ULBP1: variants seen among roughly 807,000 people sequenced by gnomAD.
The protein encoded by ULBP1 is UL16-binding protein 1.
In ULBP1, 28 loss-of-function variants were observed where a neutral mutation model predicts 25.3. That is an observed-to-expected ratio of 1.10 (90% CI 0.82 to 1.51). The LOEUF is 1.51. Among genes scored for constraint, ULBP1 ranks in the 40% most tolerant of loss-of-function variants. The pLI is 0.00. For missense variants in ULBP1, 348 were observed against 290.9 expected (o/e 1.20, Z -1.43); for synonymous variants, 129 against 103.0 (o/e 1.25, Z -1.53).
Position 149,972,437 on chromosome 6 carries a change from A to C in ULBP1, c.*1091A>C, listed in dbSNP as rs1351939288. On this transcript the variant is annotated 3_prime_UTR_variant, in exon 5 of 5. Transcript: ENST00000229708. ...TAACCTAAGAAATACCAATGTGGACATAGGGCCTGGCAAAGATTTCATGAA... is the reference window on the plus strand; with the variant it reads ...TAACCTAAGAAATACCAATGTGGACCTAGGGCCTGGCAAAGATTTCATGAA... The C allele has an allele frequency of 6.6e-6, 1 of 152,210 alleles. No individual in the cohort carries two copies. The highest frequency in any genetic ancestry group is 1.5e-5 in the Non-Finnish European group (1 of 68,034). The allele number at this position is 152,210 out of a possible 1,614,324, so 9.4% of individuals were successfully genotyped here.
In ULBP1 at chr6:149,969,349, T is replaced by A; in HGVS notation, c.614T>A (p.Leu205Gln). 1.9e-6 allele frequency: 3 copies of A among 1,612,924 alleles called. No individual in the cohort carries two copies. Among genetic ancestry groups the A allele is most frequent in the Non-Finnish European group, 2.5e-6 (3 of 1,178,916 alleles). The change falls in exon 3 of 5, where the codon CTG becomes CAG. Residue 205 changes from leucine to glutamine, a missense_variant. Coordinates refer to ENST00000229708, the MANE Select transcript of ULBP1 (RefSeq NM_025218.4). The part of the protein sequence containing the change: ...EEFLMYWEQM[L>Q]DPTKPPSLAP... Reference sequence around the variant, plus strand: ...TTTTTGATGTACTGGGAACAAATGCTGGATCCAACAAGTAAGTGAGAGGGG... The same window carrying A: ...TTTTTGATGTACTGGGAACAAATGCAGGATCCAACAAGTAAGTGAGAGGGG...
At chr6:149,968,517 G>A in intron 1 of ULBP1, 90 bp from the exon 2 acceptor site, 1 of 1,507,278 alleles carries the variant, frequency 6.6e-7, no homozygotes, top group Non-Finnish European at 8.9e-7. Flanking sequence ...CCCCTCAGAG[G>A]CCTTCACTTG....
Position 149,972,029 on chromosome 6 carries a change from C to T in ULBP1, c.*683C>T, listed in dbSNP as rs184901152. The T allele has an allele frequency of 2.6e-4, 39 of 152,260 alleles. No homozygotes were observed. The highest frequency in any genetic ancestry group is 8.9e-4 in the African/African-American group (37 of 41,554). 9.4% of individuals were successfully genotyped at this position (152,260 alleles called of 1,614,324 possible). On this transcript the variant is annotated 3_prime_UTR_variant, in exon 5 of 5. Transcript: ENST00000229708. Reference sequence around the variant, plus strand: ...AGAGGTAGGGTCTTCCTATGTTGCCCAGGATGGTCTTCAAATCTTGGTCTC... The same window carrying T: ...AGAGGTAGGGTCTTCCTATGTTGCCTAGGATGGTCTTCAAATCTTGGTCTC...
Position 149,964,133 on chromosome 6 carries a change from C to T in ULBP1, c.84C>T (p.Val28=), listed in dbSNP as rs750819863. The T allele has an allele frequency of 4.3e-6, 7 of 1,614,110 alleles. No homozygotes were observed. In the South Asian group the frequency reaches 7.7e-5, roughly 18 times the overall value. Residue 28 remains valine (V), a splice_region_variant and synonymous_variant, in exon 1 of 5, where the codon GTC becomes GTT. Transcript: ENST00000229708. ...CTGGCTGGTCCCGGGCAGGATGGGT[C>T]GGTGAGTTCGGGGATGTAGCCTAAG... ...LLSGWSRAGW[V]DTHCLCYDFI... is the part of the protein sequence containing the mutation.
intron 1 of ULBP1, among the ~76,000 whole-genome samples, chr6:149,966,162 T>C (rs567568561): frequency 2.0e-5 from 3 of 151,920 alleles, no homozygotes; most frequent in African/African-American, 4.8e-5. Flanking sequence ...GGCACTTTGG[T>C]CCTTGCTGGC....
chr6:149,967,674 G>A (rs1779227137), intron 1 of ULBP1, among the ~76,000 whole-genome samples: 1 of 152,102 alleles, frequency 6.6e-6, no homozygotes, highest in African/African-American at 2.4e-5. Flanking sequence ...TCCCCCACTG[G>A]CATTGTGACT....
chr6:149,965,249 C>G (rs936562894), intron 1 of ULBP1, among the ~76,000 whole-genome samples: 16 of 123,370 alleles, frequency 1.3e-4, no homozygotes, highest in Admixed American at 7.5e-5. Flanking sequence ...GCGGCCTCCC[C>G]GAACATCGCG....
chr6:149,973,640 TATG>T lies in ULBP1; in HGVS notation c.*2300_*2302del, dbSNP rs1474367212. The T allele has an allele frequency of 2.0e-5, 3 of 152,202 alleles. No individual in the cohort carries two copies. Among genetic ancestry groups the T allele is most frequent in the Middle Eastern group, 3.2e-3 (1 of 316 alleles). 9.4% of individuals were successfully genotyped at this position (152,202 alleles called of 1,614,324 possible). ...ATGATGATAATTGTATAAAAATTTG[TATG>T]ATGATAATTGTATAATAATTATACA... On this transcript the variant is annotated 3_prime_UTR_variant, in exon 5 of 5. Transcript: ENST00000229708.
intron 1 of ULBP1, among the ~76,000 whole-genome samples, chr6:149,965,016 G>A (rs930373617): frequency 1.9e-4 from 28 of 148,240 alleles, no homozygotes; most frequent in African/African-American, 7.0e-4. Flanking sequence ...CCTTTCCTCC[G>A]GGTCCGCTTC....
At chr6:149,964,170 C>T (rs1197775326) in intron 1 of ULBP1, 36 bp downstream of exon 1, 3 of 1,611,724 alleles carry the variant, frequency 1.9e-6, no homozygotes, top group East Asian at 4.5e-5. Flanking sequence ...AGGGCGGGGG[C>T]CAAACCTGGG....
chr6:149,968,380 A>G (rs1779241032), intron 1 of ULBP1, among the ~76,000 whole-genome samples: 2 of 152,152 alleles, frequency 1.3e-5, no homozygotes, highest in Admixed American at 1.3e-4. Context: ...ACATGTCTGG[A>G]GGGGACATGT....
At chr6:149,966,352 T>C (rs1779204600) in intron 1 of ULBP1, among the ~76,000 whole-genome samples, 1 of 151,930 alleles carries the variant, frequency 6.6e-6, no homozygotes, top group African/African-American at 2.4e-5. Flanking sequence ...CATCTCCAAG[T>C]AGTGTAAGTT....
chr6:149,966,474 T>G (rs1019530070), intron 1 of ULBP1, among the ~76,000 whole-genome samples: 3 of 152,166 alleles, frequency 2.0e-5, no homozygotes, highest in African/African-American at 7.2e-5. Flanking sequence ...CCTTTGCTGC[T>G]GGGTGGCATC....
intron 1 of ULBP1, among the ~76,000 whole-genome samples, chr6:149,966,032 C>T (rs190053089): frequency 6.6e-6 from 1 of 152,236 alleles, no homozygotes; most frequent in Non-Finnish European, 1.5e-5. Context: ...AGTAGAGGTG[C>T]CCACTTCTGC....
rs1272642622 is a variant in ULBP1 at position 149,973,386 on chromosome 6, G to A, written c.*2040G>A. On this transcript the variant is annotated 3_prime_UTR_variant, in exon 5 of 5. Transcript: ENST00000229708. The stretch of plus-strand genomic sequence containing the variant: ...GTATCATGCTTACTGTCTGGGCGAT[G>A]GGATCATTGGGACACCAAGCCTCAG... 1.3e-5 allele frequency: 2 copies of A among 152,156 alleles called. No individual in the cohort carries two copies. The highest frequency in any genetic ancestry group is 2.9e-5 in the Non-Finnish European group (2 of 68,038). 9.4% of individuals were successfully genotyped at this position (152,156 alleles called of 1,614,324 possible).
rs1051617791 is a variant in ULBP1 at position 149,973,554 on chromosome 6, T to C, written c.*2208T>C. 1 of 152,210 alleles carries C rather than the reference T, an allele frequency of 6.6e-6. No individual in the cohort carries two copies. The allele number at this position is 152,210 out of a possible 1,614,324, so 9.4% of individuals were successfully genotyped here. A position where few individuals can be genotyped will look rare whatever the true frequency, so the allele number is the denominator to read the frequency against. ...TGACCAGAGCGAGAGAACTCTGCACTATGAACCCAAACCCAGCTCAAAAAG... is the reference window on the plus strand; with the variant it reads ...TGACCAGAGCGAGAGAACTCTGCACCATGAACCCAAACCCAGCTCAAAAAG... On this transcript the variant is annotated 3_prime_UTR_variant, in exon 5 of 5. Transcript: ENST00000229708.
chr6:149,969,113 T>C lies in ULBP1; in HGVS notation c.378T>C (p.Ser126=), dbSNP rs1399542828. ...IEPLTLQARM[S]CEHEAHGHGR... Reference sequence around the variant, plus strand: ...CCCTCACCCTGCAGGCCAGGATGTCTTGTGAGCATGAAGCCCATGGACACG... The same window carrying C: ...CCCTCACCCTGCAGGCCAGGATGTCCTGTGAGCATGAAGCCCATGGACACG... Residue 126 remains serine (S), a synonymous_variant, in exon 3 of 5, where the codon TCT becomes TCC. Transcript: ENST00000229708. 1.9e-6 allele frequency: 3 copies of C among 1,614,214 alleles called. No homozygotes were observed. Among genetic ancestry groups the C allele is most frequent in the Non-Finnish European group, 2.5e-6 (3 of 1,180,038 alleles).
intron 1 of ULBP1, 113 bp downstream of exon 1, chr6:149,964,247 AACG>A: frequency 9.4e-7 from 1 of 1,059,690 alleles, no homozygotes; most frequent in Non-Finnish European, 1.2e-6. Context: ...GATCTCCCTG[AACG>A]AACATCGCGG....
Position 149,968,633 on chromosome 6 carries a change from A to T in ULBP1, c.112A>T (p.Ile38Phe). The stretch of plus-strand genomic sequence containing the variant: ...CACACACTGTCTTTGCTATGACTTC[A>T]TCATCACTCCTAAGTCCAGACCTGA... ...VDTHCLCYDF[I>F]ITPKSRPEPQ... Residue 38 changes from isoleucine to phenylalanine, a missense_variant, in exon 2 of 5, where the codon ATC becomes TTC. By Grantham distance (21) the Ile-to-Phe change is conservative. Coordinates refer to ENST00000229708, the MANE Select transcript of ULBP1 (RefSeq NM_025218.4). 2 of 1,609,484 alleles carry T rather than the reference A, an allele frequency of 1.2e-6. No individual in the cohort carries two copies. Among genetic ancestry groups the T allele is most frequent in the Non-Finnish European group, 1.7e-6 (2 of 1,176,286 alleles).
Sources: gnomAD v4.1 joint callset for allele counts (sites outside exome capture counted in the v4.1 genomes callset) on GRCh38, gnomAD v4.1.1 for gene constraint, MANE v1.5 for transcripts, NCBI Gene and HGNC (gene_info 2026-07-23, HGNC 2026-07-21) for gene names.